CPED1: variants seen among roughly 807,000 people sequenced by gnomAD.
CPED1 encodes cadherin-like and PC-esterase domain-containing protein 1.
Under a neutral mutation model 128.2 loss-of-function variants are expected in CPED1, and 114 were observed. The observed-to-expected ratio is 0.89, with a 90% confidence interval of 0.76 to 1.04. The LOEUF is 1.04. Ranked by LOEUF, CPED1 falls within the 50% of genes least tolerant of loss-of-function variation. The probability of loss-of-function intolerance (pLI) is 0.00; values close to 1 mark genes in which losing one functional copy is unlikely to be tolerated. For missense variants in CPED1, 1,211 were observed against 1,207.1 expected (o/e 1.00, Z -0.05); for synonymous variants, 462 against 426.7 (o/e 1.08, Z -1.02).
intron 16 of CPED1, among the ~76,000 whole-genome samples, chr7:121,228,901 T>A (rs925236266): frequency 1.3e-5 from 2 of 152,078 alleles, no homozygotes; most frequent in Non-Finnish European, 2.9e-5. Flanking sequence ...TATTACATGT[T>A]CTCACTTACA....
chr7:121,064,180 G>GT, intron 4 of CPED1, 58 bp from the exon 5 acceptor site: 4 of 1,197,294 alleles, frequency 3.3e-6, no homozygotes, highest in Non-Finnish European at 5.0e-6. Context: ...TGTTTGCTTG[G>GT]TTTTGCTTTA....
intron 16 of CPED1, among the ~76,000 whole-genome samples, chr7:121,178,124 C>T (rs1796824075): frequency 6.6e-6 from 1 of 151,980 alleles, no homozygotes; most frequent in African/African-American, 2.4e-5. Context: ...GAGGACCTCA[C>T]CCTCACTTTT....
At chr7:121,142,241 T>A in intron 16 of CPED1, 100 bp downstream of exon 16, 1 of 1,106,382 alleles carries the variant, frequency 9.0e-7, no homozygotes, top group Non-Finnish European at 1.3e-6. Flanking sequence ...ATTGTATGCC[T>A]TGAAATCGAA....
intron 16 of CPED1, among the ~76,000 whole-genome samples, chr7:121,235,122 A>G (rs1159217332): frequency 1.3e-5 from 2 of 152,134 alleles, no homozygotes; most frequent in Non-Finnish European, 2.9e-5. Context: ...AAAATGAATC[A>G]TGACACTTTT....
intron 2 of CPED1, among the ~76,000 whole-genome samples, chr7:120,999,019 C>T (rs997911042): frequency 5.3e-5 from 8 of 152,276 alleles, no homozygotes; most frequent in African/African-American, 1.9e-4. Context: ...CTTACTGCTA[C>T]ATCCCCAGTG....
At chr7:121,094,002 T>C (rs1794637135) in intron 5 of CPED1, among the ~76,000 whole-genome samples, 1 of 152,190 alleles carries the variant, frequency 6.6e-6, no homozygotes, top group Non-Finnish European at 1.5e-5. Flanking sequence ...AGTTTGTGCA[T>C]ATATTAGTTT....
chr7:121,269,235 C>T (rs1247149262), intron 21 of CPED1, among the ~76,000 whole-genome samples: 1 of 152,010 alleles, frequency 6.6e-6, no homozygotes, highest in Non-Finnish European at 1.5e-5. Context: ...AGCTCCCACT[C>T]ATAAGTGAGG....
chr7:121,001,450 G>A (rs953211456), intron 2 of CPED1, among the ~76,000 whole-genome samples: 1 of 152,082 alleles, frequency 6.6e-6, no homozygotes, highest in Non-Finnish European at 1.5e-5. Flanking sequence ...AGGGATTTGG[G>A]GTAGCCAATC....
intron 17 of CPED1, among the ~76,000 whole-genome samples, chr7:121,239,320 T>C (rs1798332324): frequency 6.6e-6 from 1 of 152,202 alleles, no homozygotes; most frequent in Non-Finnish European, 1.5e-5. Context: ...ACATCAGCCA[T>C]TAAACTTTTG....
chr7:121,118,821 A>G (rs962076166), intron 7 of CPED1, among the ~76,000 whole-genome samples: 2 of 152,204 alleles, frequency 1.3e-5, no homozygotes, highest in African/African-American at 4.8e-5. Flanking sequence ...AAACAGTAGC[A>G]AGAGGGGATG....
intron 16 of CPED1, among the ~76,000 whole-genome samples, chr7:121,144,228 A>G (rs1194864075): frequency 6.6e-6 from 1 of 152,094 alleles, no homozygotes; most frequent in African/African-American, 2.4e-5. Flanking sequence ...TTGAAAAGCT[A>G]TCTGCATTCC....
chr7:121,130,230 C>G lies in CPED1; in HGVS notation c.1513C>G (p.Leu505Val), dbSNP rs1554438970. Residue 505 changes from leucine (L) to valine (V), a missense_variant, in exon 12 of 23, where the codon CTT becomes GTT. By Grantham distance (32) the Leu-to-Val change is conservative (BLOSUM62 1). Transcript: ENST00000310396. ...PGSVLTQYWSLLNVFEQFQFM... is the reference protein window; with the variant it reads ...PGSVLTQYWSVLNVFEQFQFM... ...CTCAGTCCTGACCCAATACTGGTCT[C>G]TTTTAAATGTATTTGAACAATTTCA... is the stretch of plus-strand genomic sequence containing the variant. The G allele has an allele frequency of 6.2e-7, 1 of 1,611,898 alleles. No individual in the cohort carries two copies. The highest frequency in any genetic ancestry group is 8.5e-7 in the Non-Finnish European group (1 of 1,178,942).
At chr7:121,231,525 G>A (rs985703660) in intron 16 of CPED1, among the ~76,000 whole-genome samples, 5 of 152,248 alleles carry the variant, frequency 3.3e-5, no homozygotes, top group Non-Finnish European at 1.5e-5. Context: ...TTTCCAGGCA[G>A]TACTGAGAGA....
intron 17 of CPED1, among the ~76,000 whole-genome samples, chr7:121,242,884 A>G (rs1798431160): frequency 6.6e-6 from 1 of 151,862 alleles, no homozygotes; most frequent in Non-Finnish European, 1.5e-5. Flanking sequence ...TCTGTGTTCA[A>G]TCAGTAAGAG....
At chr7:121,029,859 T>G (rs947478491) in intron 3 of CPED1, among the ~76,000 whole-genome samples, 3 of 152,188 alleles carry the variant, frequency 2.0e-5, no homozygotes, top group Non-Finnish European at 2.9e-5. Context: ...ATGATCAATG[T>G]CCAGGTTAAT....
chr7:121,026,646 C>G (rs1262405375), intron 3 of CPED1, among the ~76,000 whole-genome samples: 1 of 137,730 alleles, frequency 7.3e-6, no homozygotes, highest in Non-Finnish European at 1.5e-5. Context: ...GGGAGGGAGA[C>G]AGACCAGGAC....
At chr7:121,263,660 A>T (rs942590105) in intron 18 of CPED1, among the ~76,000 whole-genome samples, 1 of 151,952 alleles carries the variant, frequency 6.6e-6, no homozygotes, top group Non-Finnish European at 1.5e-5. Flanking sequence ...CACACAGAAA[A>T]TACTGGAAAT....
intron 5 of CPED1, among the ~76,000 whole-genome samples, chr7:121,083,545 G>A (rs1195922357): frequency 6.6e-6 from 1 of 152,200 alleles, no homozygotes; most frequent in Non-Finnish European, 1.5e-5. Flanking sequence ...TGTGATTTCT[G>A]TGGAATTAAT....
At chr7:121,088,568 A>C (rs1794492650) in intron 5 of CPED1, among the ~76,000 whole-genome samples, 1 of 151,600 alleles carries the variant, frequency 6.6e-6, no homozygotes, top group Admixed American at 6.6e-5. Context: ...CTGAGGCAGG[A>C]GAATCGCATG....
Sources: allele counts gnomAD v4.1 joint callset (sites outside exome capture counted in the v4.1 genomes callset), GRCh38; gene constraint gnomAD v4.1.1; transcripts MANE v1.5; gene names NCBI Gene and HGNC (gene_info 2026-07-23, HGNC 2026-07-21).